ZC3H12B: variants seen among roughly 807,000 people sequenced by gnomAD.
ZC3H12B encodes the protein zinc finger CCCH-type containing 12B.
ZC3H12B carries 7 observed loss-of-function variants against 43.9 expected under a neutral mutation model. The ratio of observed to expected loss-of-function variants is 0.16; its 90% CI spans 0.09 to 0.30. The LOEUF is 0.30. Ranked by LOEUF, ZC3H12B falls within the 10% of genes least tolerant of loss-of-function variation. The pLI is 1.00. For missense variants in ZC3H12B, 475 were observed against 670.2 expected (o/e 0.71, Z 3.22); for synonymous variants, 222 against 241.7 (o/e 0.92, Z 0.76).
At chrX:65,252,352 G>C in the ZC3H12B span, among the ~76,000 whole-genome samples, 1 of 111,260 alleles carries the variant, frequency 9.0e-6, no homozygotes, top group African/African-American at 3.3e-5. Context: ...ATTTTATTGA[G>C]GATTTTTGCA....
chrX:65,448,983 A>AAAAGAAAGAAAGAAAGAAAGAAAGAAAG lies in ZC3H12B; in HGVS notation n.408-39662_408-39661insAAGAAAGAAAGAAAGAAAGAAAGAAAGA, dbSNP rs2067426108. ...AGAAAGAAAGAAAGAAAGAAAGAGAAAGAAAGAAAGAGAGGAAAGAAAGAA... is the reference window on the plus strand; with the variant it reads ...AGAAAGAAAGAAAGAAAGAAAGAGAAAAAGAAAGAAAGAAAGAAAGAAAGAAAGAGAAAGAAAGAGAGGAAAGAAAGAA... On this transcript the variant is annotated intron_variant and non_coding_transcript_variant, in intron 3 of 5. Coordinates refer to the ZC3H12B transcript ENST00000617377. Among the ~76,000 whole-genome samples, 10 of 95,233 alleles carry AAAAGAAAGAAAGAAAGAAAGAAAGAAAG rather than the reference A, an allele frequency of 1.1e-4. 1 individual carries two copies. The highest frequency in any genetic ancestry group is 5.1e-4 in the African/African-American group (10 of 19,667). The allele number at this position is 95,233 out of a possible 115,157, so 82.7% of individuals were successfully genotyped here. A position where few individuals can be genotyped will look rare whatever the true frequency, so the allele number is the denominator to read the frequency against.
the ZC3H12B span, among the ~76,000 whole-genome samples, chrX:65,072,913 C>G: frequency 8.9e-6 from 1 of 112,526 alleles, no homozygotes; most frequent in African/African-American, 3.2e-5. Flanking sequence ...GTGTTGGTGT[C>G]AGCACACAGG....
the ZC3H12B span, among the ~76,000 whole-genome samples, chrX:65,130,736 C>T: frequency 8.9e-6 from 1 of 111,786 alleles, no homozygotes; most frequent in African/African-American, 3.3e-5. Context: ...TTCCTTGGTC[C>T]AAGAACCATT....
At chrX:65,224,645 C>T in the ZC3H12B span, among the ~76,000 whole-genome samples, 3 of 111,928 alleles carry the variant, frequency 2.7e-5, no homozygotes, top group African/African-American at 9.7e-5. Flanking sequence ...ACAGATGGCA[C>T]CTGGAAAATC....
chrX:65,255,754 A>G, the ZC3H12B span, among the ~76,000 whole-genome samples: 14 of 112,502 alleles, frequency 1.2e-4, no homozygotes, highest in African/African-American at 4.2e-4. Context: ...AGTTGGATAA[A>G]GAAGCAAGAC....
the ZC3H12B span, among the ~76,000 whole-genome samples, chrX:65,211,340 G>A: frequency 9.3e-6 from 1 of 107,921 alleles, no homozygotes; most frequent in Non-Finnish European, 1.9e-5. Context: ...AAAATCTGTG[G>A]GAATAAAAAT....
the ZC3H12B span, among the ~76,000 whole-genome samples, chrX:65,308,463 T>G: frequency 1.8e-5 from 2 of 111,649 alleles, no homozygotes; most frequent in African/African-American, 6.5e-5. Context: ...ATGCAACCAA[T>G]TCAGGAACAC....
chrX:65,129,515 A>G, the ZC3H12B span, among the ~76,000 whole-genome samples: 1 of 109,588 alleles, frequency 9.1e-6, no homozygotes, highest in Admixed American at 9.9e-5. Context: ...CAAGGTGCTC[A>G]GTGGGGGAGC....
At chrX:65,334,608 C>G in the ZC3H12B span, among the ~76,000 whole-genome samples, 1 of 111,678 alleles carries the variant, frequency 9.0e-6, no homozygotes, top group Non-Finnish European at 1.9e-5. Context: ...ATCACACACA[C>G]AACACATATA....
chrX:65,351,456 A>G, the ZC3H12B span, among the ~76,000 whole-genome samples: 6 of 112,462 alleles, frequency 5.3e-5, no homozygotes, highest in East Asian at 1.7e-3. Flanking sequence ...CAAAAGCCAG[A>G]ATTTACAAAT....
the ZC3H12B span, among the ~76,000 whole-genome samples, chrX:65,036,944 G>T: frequency 9.2e-6 from 1 of 108,582 alleles, no homozygotes; most frequent in Non-Finnish European, 1.9e-5. Context: ...GGCTTATTTT[G>T]CAAATGCTAT....
chrX:65,281,761 C>T, the ZC3H12B span, among the ~76,000 whole-genome samples: 1 of 111,780 alleles, frequency 8.9e-6, no homozygotes, highest in Non-Finnish European at 1.9e-5. Context: ...TATTGGTCTG[C>T]GAAAATATTT....
At chrX:65,198,909 A>T in the ZC3H12B span, among the ~76,000 whole-genome samples, 1 of 111,254 alleles carries the variant, frequency 9.0e-6, no homozygotes, top group African/African-American at 3.3e-5. Context: ...TCACTACAAG[A>T]TCAGCCATCC....
At chrX:65,469,896 G>A (rs998767497) in intron 3 of ZC3H12B, 3 of 112,150 alleles carry the variant, frequency 2.7e-5, no homozygotes, top group Non-Finnish European at 5.6e-5. Flanking sequence ...TTGAACCCGG[G>A]AGGCAGAGGT....
the ZC3H12B span, among the ~76,000 whole-genome samples, chrX:65,060,285 G>C: frequency 8.9e-6 from 1 of 112,057 alleles, no homozygotes; most frequent in African/African-American, 3.2e-5. Flanking sequence ...TCCCTGTTGT[G>C]TTCCAGATCT....
the ZC3H12B span, among the ~76,000 whole-genome samples, chrX:65,116,532 C>T: frequency 9.1e-6 from 1 of 110,102 alleles, no homozygotes; most frequent in Non-Finnish European, 1.9e-5. Context: ...GGTATGCACG[C>T]TCTTTTCTGG....
At chrX:65,242,738 G>A in the ZC3H12B span, among the ~76,000 whole-genome samples, 1 of 111,930 alleles carries the variant, frequency 8.9e-6, no homozygotes, top group Non-Finnish European at 1.9e-5. Context: ...ATACTACAAA[G>A]GTATAGTACC....
chrX:65,300,282 C>T, the ZC3H12B span, among the ~76,000 whole-genome samples: 1 of 111,846 alleles, frequency 8.9e-6, no homozygotes, highest in African/African-American at 3.3e-5. Context: ...GGGCAAGTTC[C>T]CCTGTTCACC....
At chrX:65,388,306 A>G (rs2066559852) in intron 2 of ZC3H12B, among the ~76,000 whole-genome samples, 1 of 112,043 alleles carries the variant, frequency 8.9e-6, no homozygotes, top group Admixed American at 9.5e-5. Context: ...GTCTTTTCAC[A>G]TAGTCCCATA....
Sources: allele counts gnomAD v4.1 joint callset (sites outside exome capture counted in the v4.1 genomes callset), GRCh38; gene constraint gnomAD v4.1.1; transcripts MANE v1.5; gene names NCBI Gene and HGNC (gene_info 2026-07-23, HGNC 2026-07-21).